The following ATG7 variants were observed in gnomAD, a reference collection of about 807,000 sequenced individuals.
ATG7 encodes the protein ubiquitin-like modifier-activating enzyme ATG7.
Under a neutral mutation model 82.4 loss-of-function variants are expected in ATG7, and 70 were observed. That is an observed-to-expected ratio of 0.85 (90% CI 0.70 to 1.04). The LOEUF is 1.04. Ranked by LOEUF, ATG7 falls within the 50% of genes least tolerant of loss-of-function variation. The pLI is 0.00. For missense variants in ATG7, 792 were observed against 864.3 expected (o/e 0.92, Z 1.05); for synonymous variants, 287 against 313.0 (o/e 0.92, Z 0.88).
chr3:11,470,910 G>A (rs1576646675), intron 20 of ATG7, among the ~76,000 whole-genome samples: 2 of 152,330 alleles, frequency 1.3e-5, no homozygotes, highest in Non-Finnish European at 2.9e-5. Flanking sequence ...CCTTTGAGGT[G>A]CAGATAGTCC....
intron 19 of ATG7, among the ~76,000 whole-genome samples, chr3:11,408,287 T>C (rs913081886): frequency 9.2e-5 from 14 of 152,180 alleles, no homozygotes; most frequent in Admixed American, 7.9e-4. Context: ...TCATCTCCAT[T>C]TGAGACCACC....
rs935735069 is a variant in ATG7, at chr3:11,282,208, T to C, written c.-241T>C. 6.6e-6 allele frequency: 1 copy of C among 152,196 alleles called. No individual in the cohort carries two copies. Among genetic ancestry groups the C allele is most frequent in the African/African-American group, 2.4e-5 (1 of 41,446 alleles). The allele number at this position is 152,196 out of a possible 1,614,324, so 9.4% of individuals were successfully genotyped here. On this transcript the variant is annotated 5_prime_UTR_variant, in exon 3 of 21. An upstream open reading frame in the 5' UTR loses its in-frame stop. Coordinates refer to ENST00000693202, the MANE Select transcript of ATG7 (RefSeq NM_001349232.2). ...TCCCATGTAGGCTTCTCAAACCCCA[T>C]AATGCTGGTATCCAGTGCATCCGTT...
chr3:11,417,805 A>ATTTTTTTTT lies in ATG7; in HGVS notation c.1957-8995_1957-8994insTTTTTTTTT, dbSNP rs200364263. Among the ~76,000 whole-genome samples the ATTTTTTTTT allele has an allele frequency of 2.0e-3, 106 of 52,688 alleles. 1 individual carries two copies. Among genetic ancestry groups the ATTTTTTTTT allele is most frequent in the South Asian group, 5.0e-3 (7 of 1,410 alleles). The allele number at this position is 52,688 out of a possible 152,430, so 34.6% of individuals were successfully genotyped here. A position where few individuals can be genotyped will look rare whatever the true frequency, so the allele number is the denominator to read the frequency against. On this transcript the variant is annotated intron_variant, in intron 19 of 20. Transcript: ENST00000693202. ...AAAAAATTATTATTATTATTATTTT[A>ATTTTTTTTT]TTTTATTTTATTTTTTTTTTTTTTG...
intron 14 of ATG7, among the ~76,000 whole-genome samples, chr3:11,351,794 C>T (rs11128547): frequency 0.21 from 31,119 of 151,680 alleles, 3,578 homozygotes; most frequent in South Asian, 0.35. Context: ...AACTATTTAA[C>T]TTATTGGTTA....
intron 9 of ATG7, among the ~76,000 whole-genome samples, chr3:11,318,713 A>G (rs1445308927): frequency 6.6e-6 from 1 of 152,156 alleles, no homozygotes; most frequent in African/African-American, 2.4e-5. Flanking sequence ...GTCCACCACT[A>G]GCCTCATTTA....
chr3:11,438,820 C>T (rs2083599890), intron 20 of ATG7, among the ~76,000 whole-genome samples: 1 of 152,072 alleles, frequency 6.6e-6, no homozygotes, highest in African/African-American at 2.4e-5. Flanking sequence ...AATCTCTGGC[C>T]TGTGGCGCTG....
the ATG7 span, among the ~76,000 whole-genome samples, chr3:11,573,365 AAGAAAGAAAGAAAGAAAGAAAGAAAG>A: frequency 1.1e-4 from 16 of 139,562 alleles, no homozygotes; most frequent in East Asian, 3.3e-3. Context: ...GAAAGAAAGA[AAGAAAGAAAGAAAGAAAGAAAGAAAG>A]AAAGAAAATG....
At chr3:11,334,988 A>G (rs1235228283) in intron 11 of ATG7, among the ~76,000 whole-genome samples, 3 of 150,406 alleles carry the variant, frequency 2.0e-5, no homozygotes, top group African/African-American at 4.9e-5. Flanking sequence ...CTCTTCTGAG[A>G]TATCTTTTCT....
intron 9 of ATG7, among the ~76,000 whole-genome samples, chr3:11,325,397 C>A (rs892183055): frequency 2.6e-5 from 4 of 152,056 alleles, no homozygotes; most frequent in Admixed American, 2.0e-4. Context: ...ATAGGCCAGG[C>A]GTGGTGGCTC....
At chr3:11,416,113 G>T (rs1329404121) in intron 19 of ATG7, among the ~76,000 whole-genome samples, 2 of 152,142 alleles carry the variant, frequency 1.3e-5, no homozygotes, top group Non-Finnish European at 2.9e-5. Context: ...GATTCGATTT[G>T]CTAATATTTT....
chr3:11,301,463 A>G (rs73123402), intron 5 of ATG7, among the ~76,000 whole-genome samples: 2,332 of 152,300 alleles, frequency 0.015, 58 homozygotes, highest in African/African-American at 0.053. Flanking sequence ...TTTTAATCTC[A>G]GAAAATCAAT....
At chr3:11,435,403 A>T (rs2083282789) in intron 20 of ATG7, among the ~76,000 whole-genome samples, 1 of 152,182 alleles carries the variant, frequency 6.6e-6, no homozygotes, top group Admixed American at 6.5e-5. Flanking sequence ...ATAACTGGGT[A>T]TGTTCATGAA....
intron 1 of ATG7, among the ~76,000 whole-genome samples, chr3:11,278,597 C>T (rs190200675): frequency 4.7e-4 from 71 of 152,174 alleles, no homozygotes; most frequent in Admixed American, 4.1e-3. Context: ...AAAACAATGA[C>T]GAATAGGGGA....
At chr3:11,293,458 G>A (rs1945288598) in intron 3 of ATG7, among the ~76,000 whole-genome samples, 1 of 151,002 alleles carries the variant, frequency 6.6e-6, no homozygotes, top group Non-Finnish European at 1.5e-5. Flanking sequence ...TTGAACCCGG[G>A]AGGTGAAAGT....
chr3:11,455,683 C>T (rs1425997496), intron 20 of ATG7, among the ~76,000 whole-genome samples: 1 of 152,148 alleles, frequency 6.6e-6, no homozygotes, highest in African/African-American at 2.4e-5. Flanking sequence ...TGTCTTAACC[C>T]CTCAGAGTTA....
chr3:11,336,973 G>A (rs1952610904), intron 11 of ATG7, among the ~76,000 whole-genome samples: 2 of 152,068 alleles, frequency 1.3e-5, no homozygotes, highest in Admixed American at 6.6e-5. Context: ...TTGCGCAGTC[G>A]AGGAGTATTA....
At chr3:11,458,130 C>G (rs553898498) in intron 20 of ATG7, among the ~76,000 whole-genome samples, 1 of 152,072 alleles carries the variant, frequency 6.6e-6, no homozygotes, top group South Asian at 2.1e-4. Flanking sequence ...TTTGCTACAA[C>G]AAAACATTTC....
chr3:11,408,496 C>T (rs1028671262), intron 19 of ATG7, among the ~76,000 whole-genome samples: 2 of 152,120 alleles, frequency 1.3e-5, no homozygotes, highest in African/African-American at 4.8e-5. Flanking sequence ...TTCCTGGTAC[C>T]AGATTACTGG....
At chr3:11,489,665 T>C (rs1433280587) in intron 20 of ATG7, among the ~76,000 whole-genome samples, 1 of 147,010 alleles carries the variant, frequency 6.8e-6, no homozygotes, top group Non-Finnish European at 1.5e-5. Context: ...CCAGAGATTC[T>C]GGTATGTTGT....
Sources: allele counts gnomAD v4.1 joint callset (sites outside exome capture counted in the v4.1 genomes callset), GRCh38; gene constraint gnomAD v4.1.1; transcripts MANE v1.5; gene names NCBI Gene and HGNC (gene_info 2026-07-23, HGNC 2026-07-21).